Variants in ATRX observed in about 807,000 individuals in gnomAD.
ATRX encodes the protein chromatin remodeler ATRX.
ATRX carries 12 observed loss-of-function variants against 172.6 expected under a neutral mutation model. The ratio of observed to expected loss-of-function variants is 0.07; its 90% CI spans 0.04 to 0.11. The LOEUF (loss-of-function observed/expected upper bound fraction) is 0.11. Among genes scored for constraint, ATRX ranks in the 10% least tolerant of loss-of-function variants. ATRX has a pLI of 1.00. For synonymous variants in ATRX, 674 were observed against 594.7 expected (o/e 1.13, Z -1.94); for missense variants, 1,368 against 1,767.4 (o/e 0.77, Z 4.05).
In ATRX at chrX:77,536,792, T is replaced by C. The variant is rs1446193828; in HGVS notation, c.6700-13391A>G. 2.7e-5 allele frequency among the ~76,000 whole-genome samples: 3 copies of C among 111,855 alleles called. No homozygotes were observed. In the Admixed American group the frequency reaches 2.9e-4, roughly 11 times the overall value. On this transcript the variant is annotated intron_variant, in intron 30 of 34. Transcript: ENST00000373344. The stretch of plus-strand genomic sequence containing the variant: ...TAAAAAGAAGATCTGTTTCAGTCTT[T>C]TGAATTTCAGAGGTAAATTTAATGG...
intron 32 of ATRX, 108 bp downstream of exon 32, chrX:77,522,155 G>T: frequency 1.9e-6 from 2 of 1,034,967 alleles, no homozygotes; most frequent in Non-Finnish European, 2.7e-6. Context: ...TCTATTCAGG[G>T]GTAATCTTTT....
At chrX:77,677,622 C>A (rs1188937363) in intron 9 of ATRX, among the ~76,000 whole-genome samples, 1 of 109,131 alleles carries the variant, frequency 9.2e-6, no homozygotes, top group African/African-American at 3.3e-5. Flanking sequence ...CAAGATATTA[C>A]CCTTGAGGGA....
chrX:77,759,246 A>T (rs1314038435), intron 1 of ATRX, among the ~76,000 whole-genome samples: 1 of 111,580 alleles, frequency 9.0e-6, no homozygotes, highest in Non-Finnish European at 1.9e-5. Context: ...TCAAACTGCC[A>T]GTGGAAGTAT....
At chrX:77,521,698 A>G in intron 32 of ATRX, 200 bp from the exon 33 acceptor site, 1 of 353,166 alleles carries the variant, frequency 2.8e-6, no homozygotes, top group East Asian at 4.5e-5. Flanking sequence ...AGATTAAAAA[A>G]GTTTGAGTTT....
intron 12 of ATRX, among the ~76,000 whole-genome samples, chrX:77,658,057 A>T (rs1457349174): frequency 2.7e-5 from 3 of 110,709 alleles, no homozygotes; most frequent in African/African-American, 6.6e-5. Context: ...AAAAAAATTT[A>T]AAAATTAGCC....
At chrX:77,629,755 T>G (rs372586141) in intron 19 of ATRX, among the ~76,000 whole-genome samples, 24 of 112,033 alleles carry the variant, frequency 2.1e-4, no homozygotes, top group African/African-American at 7.1e-4. Flanking sequence ...AATGTCATAC[T>G]TAATGGTGGA....
chrX:77,682,943 C>T lies in ATRX; in HGVS notation c.2313G>A (p.Ala771=), dbSNP rs373458498. The change falls in exon 9 of 35, where the codon GCG becomes GCA. Residue 771 remains alanine, a synonymous_variant. Coordinates refer to ENST00000373344, the MANE Select transcript of ATRX (RefSeq NM_000489.6). ...HKTLYDLKTQ[A]GKDDKGKRKR... is the part of the protein sequence containing the mutation. ...TCCTTTTTCCTTTATCATCTTTCCC[C>T]GCCTGAGTCTTTAAATCATACAAAG... The T allele has an allele frequency of 2.8e-5, 34 of 1,208,036 alleles. No individual in the cohort carries two copies. Among genetic ancestry groups the T allele is most frequent in the East Asian group, 1.5e-4 (5 of 33,763 alleles).
rs781875880 is a variant in ATRX at position 77,633,663 on chromosome X, C to T, written c.4859G>A (p.Ser1620Asn). The T allele has an allele frequency of 9.1e-6, 11 of 1,208,330 alleles. No individual in the cohort carries two copies. In the Admixed American group the frequency reaches 1.5e-4, roughly 17 times the overall value. The change falls in exon 18 of 35, where the codon AGC becomes AAC. Residue 1620 changes from serine to asparagine, a missense_variant. Physicochemically the swap from Ser to Asn is conservative, Grantham distance 46 (BLOSUM62 1). Transcript: ENST00000373344. ...AAGAGGACAAACCACTAACGCCGTG[C>T]TGAAATCCAGTTTGTCACACAAAAG... The part of the protein sequence containing the change: ...TVLLCDKLDF[S>N]TALVVCPLNT...
intron 25 of ATRX, chrX:77,594,570 G>A (rs1200126551): frequency 2.7e-5 from 3 of 111,682 alleles, no homozygotes; most frequent in African/African-American, 9.7e-5. Context: ...ATATATTTTT[G>A]TTACAAAAAT....
At chrX:77,555,218 T>A (rs1179948960) in intron 30 of ATRX, among the ~76,000 whole-genome samples, 10 of 111,659 alleles carry the variant, frequency 9.0e-5, no homozygotes, top group African/African-American at 3.3e-4. Flanking sequence ...CAACAGATGC[T>A]GGTGAGGATG....
At chrX:77,619,726 T>A (rs184942067) in intron 20 of ATRX, among the ~76,000 whole-genome samples, 2 of 110,925 alleles carry the variant, frequency 1.8e-5, no homozygotes, top group Admixed American at 9.6e-5. Flanking sequence ...TAGCAAAAAG[T>A]TACCATAAAT....
chrX:77,735,286 A>C (rs1161290251), intron 1 of ATRX, among the ~76,000 whole-genome samples: 1 of 111,221 alleles, frequency 9.0e-6, no homozygotes, highest in Admixed American at 9.5e-5. Context: ...ACATGGTGAA[A>C]TCCGGTCTCT....
intron 1 of ATRX, among the ~76,000 whole-genome samples, chrX:77,752,172 G>A (rs1262499842): frequency 8.9e-6 from 1 of 111,742 alleles, no homozygotes; most frequent in Non-Finnish European, 1.9e-5. Context: ...GTGGTTTGTA[G>A]TTCTCCTTGA....
intron 13 of ATRX, among the ~76,000 whole-genome samples, chrX:77,655,098 G>C (rs185485361): frequency 4.5e-5 from 5 of 111,097 alleles, no homozygotes; most frequent in East Asian, 5.6e-4. Flanking sequence ...AATTCATAGA[G>C]ACAGAAAATA....
chrX:77,742,171 G>C (rs1314264683), intron 1 of ATRX, among the ~76,000 whole-genome samples: 1 of 111,848 alleles, frequency 8.9e-6, no homozygotes, highest in African/African-American at 3.2e-5. Flanking sequence ...CAACTAAGAA[G>C]AAAAGGCAGT....
At chrX:77,651,599 T>C (rs1557116893) in intron 15 of ATRX, among the ~76,000 whole-genome samples, 1 of 111,970 alleles carries the variant, frequency 8.9e-6, no homozygotes, top group African/African-American at 3.2e-5. Flanking sequence ...GGCTCACACA[T>C]GTAATCCCAG....
chrX:77,535,430 A>G (rs2063716855), intron 30 of ATRX, among the ~76,000 whole-genome samples: 1 of 112,044 alleles, frequency 8.9e-6, no homozygotes, highest in Admixed American at 9.5e-5. Flanking sequence ...TAGATACTAT[A>G]TTTAGCAATT....
chrX:77,744,190 G>A (rs1264580236), intron 1 of ATRX, among the ~76,000 whole-genome samples: 1 of 111,988 alleles, frequency 8.9e-6, no homozygotes, highest in African/African-American at 3.2e-5. Context: ...GGTGGCACAC[G>A]CCTGTAGTCC....
At chrX:77,679,884 C>T (rs1485701517) in intron 9 of ATRX, among the ~76,000 whole-genome samples, 1 of 111,809 alleles carries the variant, frequency 8.9e-6, no homozygotes, top group Non-Finnish European at 1.9e-5. Flanking sequence ...ATTTTCACAG[C>T]TAACCTAACA....
Sources: allele counts gnomAD v4.1 joint callset (sites outside exome capture counted in the v4.1 genomes callset), GRCh38; gene constraint gnomAD v4.1.1; transcripts MANE v1.5; gene names NCBI Gene and HGNC (gene_info 2026-07-23, HGNC 2026-07-21).